The following DOCK2 variants were observed in gnomAD, a reference collection of about 807,000 sequenced individuals.
The protein encoded by DOCK2 is dedicator of cytokinesis protein 2.
Under a neutral mutation model 248.9 loss-of-function variants are expected in DOCK2, and 87 were observed. The observed-to-expected ratio is 0.35, with a 90% CI of 0.29 to 0.42. The LOEUF (loss-of-function observed/expected upper bound fraction) is 0.42, where lower values mean the gene tolerates loss of function less well. Ranked by LOEUF, DOCK2 falls within the 10% of genes least tolerant of loss-of-function variation. DOCK2 has a pLI of 1.00. For missense variants in DOCK2, 1,747 were observed against 2,300.2 expected (o/e 0.76, Z 4.92); for synonymous variants, 805 against 821.6 (o/e 0.98, Z 0.35).
chr5:170,022,365 A>C (rs61157967), intron 33 of DOCK2, among the ~76,000 whole-genome samples: 5,130 of 152,260 alleles, frequency 0.034, 290 homozygotes, highest in African/African-American at 0.12. Context: ...ACCCCAGGGC[A>C]ATCTCTTTCT....
rs185754177 is a variant in DOCK2, at chr5:169,713,259, C to T, written c.1660-769C>T. On this transcript the variant is annotated intron_variant, in intron 17 of 51. Transcript: ENST00000520908. Reference sequence around the variant, plus strand: ...GTTGCAGTCAATTTTCTTTTACTTACCCCCATTAGGTCCCAGTTTCCTTGA... The same window carrying T: ...GTTGCAGTCAATTTTCTTTTACTTATCCCCATTAGGTCCCAGTTTCCTTGA... Among the ~76,000 whole-genome samples the T allele has an allele frequency of 2.7e-4, 41 of 152,304 alleles. 2 individuals carry two copies. In the East Asian group the frequency reaches 5.4e-3, roughly 20 times the overall value.
intron 30 of DOCK2, among the ~76,000 whole-genome samples, chr5:169,996,381 C>T (rs769647502): frequency 3.3e-5 from 5 of 152,180 alleles, no homozygotes; most frequent in African/African-American, 7.2e-5. Context: ...GCAAATGTGA[C>T]GGTATAATGG....
chr5:170,015,741 A>G (rs1241006367), intron 32 of DOCK2, among the ~76,000 whole-genome samples: 2 of 151,872 alleles, frequency 1.3e-5, no homozygotes, highest in Non-Finnish European at 2.9e-5. Context: ...TCAGAAGCCC[A>G]TGGCTTGCCC....
chr5:169,978,862 G>A (rs76710577), intron 27 of DOCK2, among the ~76,000 whole-genome samples: 5 of 152,114 alleles, frequency 3.3e-5, no homozygotes, highest in Admixed American at 6.5e-5. Context: ...GTTTCAAACC[G>A]TGTCTCTTCA....
intron 27 of DOCK2, among the ~76,000 whole-genome samples, chr5:169,895,991 G>A (rs532992244): frequency 1.1e-4 from 17 of 152,274 alleles, no homozygotes; most frequent in Admixed American, 2.0e-4. Flanking sequence ...TTATGTGAAT[G>A]CTATGATCTC....
At chr5:169,949,727 G>A (rs564884638) in intron 27 of DOCK2, among the ~76,000 whole-genome samples, 115 of 84,118 alleles carry the variant, frequency 1.4e-3, no homozygotes, top group Middle Eastern at 5.7e-3. Flanking sequence ...CAGAGTAGGA[G>A]AGTTTCTGAG....
intron 25 of DOCK2, among the ~76,000 whole-genome samples, chr5:169,786,483 G>A (rs1581187363): frequency 6.6e-6 from 1 of 152,188 alleles, no homozygotes; most frequent in African/African-American, 2.4e-5. Context: ...GCTGAAATGA[G>A]AAGAATGTGG....
At chr5:169,942,556 T>G (rs1776283465) in intron 27 of DOCK2, among the ~76,000 whole-genome samples, 1 of 152,244 alleles carries the variant, frequency 6.6e-6, no homozygotes. Context: ...AAATTGTAAT[T>G]TTCCCTCCCA....
chr5:169,934,982 C>T (rs772371980), intron 27 of DOCK2: 38 of 244,720 alleles, frequency 1.6e-4, no homozygotes, highest in Non-Finnish European at 2.2e-4. Flanking sequence ...AGAATGCAAA[C>T]GTTAGCAGCC....
intron 33 of DOCK2, among the ~76,000 whole-genome samples, 196 bp downstream of exon 33, chr5:170,019,304 A>T (rs1755643274): frequency 6.6e-6 from 1 of 152,220 alleles, no homozygotes; most frequent in Non-Finnish European, 1.5e-5. Context: ...GTCCAAGGAC[A>T]AGATTAAAAT....
chr5:169,973,156 G>T (rs1268613148), intron 27 of DOCK2, among the ~76,000 whole-genome samples: 4 of 152,098 alleles, frequency 2.6e-5, no homozygotes, highest in Non-Finnish European at 5.9e-5. Context: ...TCTCTGGCTT[G>T]GTCACCCGAT....
chr5:170,033,107 A>G (rs1756202998), intron 34 of DOCK2, among the ~76,000 whole-genome samples: 1 of 152,206 alleles, frequency 6.6e-6, no homozygotes, highest in Non-Finnish European at 1.5e-5. Context: ...TATCAGAATT[A>G]CTGTGAGGAT....
chr5:169,851,915 T>A (rs997999019), intron 27 of DOCK2, among the ~76,000 whole-genome samples: 10 of 152,130 alleles, frequency 6.6e-5, no homozygotes, highest in African/African-American at 2.4e-4. Context: ...ACATGGGGAT[T>A]ATGGGGATTA....
chr5:169,994,788 C>G (rs1009823082), intron 29 of DOCK2, among the ~76,000 whole-genome samples: 1 of 152,108 alleles, frequency 6.6e-6, no homozygotes, highest in Non-Finnish European at 1.5e-5. Flanking sequence ...AGAGAAAGAG[C>G]TTGGACTCAC....
intron 33 of DOCK2, among the ~76,000 whole-genome samples, chr5:170,025,812 C>CTTCCTTCCTTCT (rs1561886477): frequency 1.8e-4 from 17 of 96,656 alleles, no homozygotes; most frequent in African/African-American, 7.3e-4. Context: ...TCCTTCCTTC[C>CTTCCTTCCTTCT]TTCCTTCCTT....
In DOCK2 at chr5:169,712,204, A is replaced by G; in HGVS notation, c.1640A>G (p.His547Arg). The G allele has an allele frequency of 6.2e-7, 1 of 1,614,110 alleles. No homozygotes were observed. The highest frequency in any genetic ancestry group is 8.5e-7 in the Non-Finnish European group (1 of 1,179,938). The change falls in exon 17 of 52, where the codon CAT becomes CGT. Residue 547 changes from histidine (H) to arginine (R), a missense_variant. Coordinates refer to ENST00000520908, the MANE Select transcript of DOCK2 (RefSeq NM_004946.3). ...EDGTTLHDGF[H>R]DLVVLKGDSK... is the part of the protein sequence containing the mutation. Reference sequence around the variant, plus strand: ...GGGACTACTCTACACGATGGATTCCATGACTTAGTTGTCCTCAAGGTACCA... The same window carrying G: ...GGGACTACTCTACACGATGGATTCCGTGACTTAGTTGTCCTCAAGGTACCA...
At chr5:169,962,254 T>A (rs367630583) in intron 27 of DOCK2, among the ~76,000 whole-genome samples, 1 of 152,072 alleles carries the variant, frequency 6.6e-6, no homozygotes, top group Admixed American at 6.5e-5. Flanking sequence ...GGAGACATCG[T>A]GGTGGACTGA....
chr5:169,885,816 C>T (rs1772937927), intron 27 of DOCK2, among the ~76,000 whole-genome samples: 1 of 152,214 alleles, frequency 6.6e-6, no homozygotes, highest in East Asian at 1.9e-4. Context: ...GGTTAAGTAA[C>T]TTGCCTAAAC....
chr5:169,747,300 T>A, intron 22 of DOCK2, 96 bp from the exon 23 acceptor site: 1 of 1,140,206 alleles, frequency 8.8e-7, no homozygotes, highest in Non-Finnish European at 1.2e-6. Flanking sequence ...CCCACTCCTT[T>A]TTGTTTTAAA....
Sources: allele counts gnomAD v4.1 joint callset (sites outside exome capture counted in the v4.1 genomes callset), GRCh38; gene constraint gnomAD v4.1.1; transcripts MANE v1.5; gene names NCBI Gene and HGNC (gene_info 2026-07-23, HGNC 2026-07-21).